PSMD1: variants seen among roughly 807,000 people sequenced by gnomAD.
PSMD1 encodes the protein proteasome 26S subunit, non-ATPase 1.
Under a neutral mutation model 119.0 loss-of-function variants are expected in PSMD1, and 18 were observed. The ratio of observed to expected loss-of-function variants is 0.15; its 90% CI spans 0.10 to 0.22. PSMD1 has a LOEUF of 0.22. Among genes scored for constraint, PSMD1 ranks in the 10% least tolerant of loss-of-function variants. The pLI is 1.00. For synonymous variants in PSMD1, 374 were observed against 396.6 expected (o/e 0.94, Z 0.68); for missense variants, 702 against 1,158.5 (o/e 0.61, Z 5.72).
At chr2:231,156,513 C>T (rs1696510449) in intron 19 of PSMD1, among the ~76,000 whole-genome samples, 1 of 152,016 alleles carries the variant, frequency 6.6e-6, no homozygotes, top group South Asian at 2.1e-4. Context: ...CCCTCCTTGC[C>T]CTCCCCACAA....
chr2:231,114,743 A>T (rs975372073), intron 16 of PSMD1, among the ~76,000 whole-genome samples: 1 of 152,216 alleles, frequency 6.6e-6, no homozygotes, highest in Admixed American at 6.5e-5. Context: ...TTAGGTGTGG[A>T]TGTGATATTG....
At chr2:231,114,014 G>T in intron 16 of PSMD1, 2 of 1,066,362 alleles carry the variant, frequency 1.9e-6, no homozygotes, top group Non-Finnish European at 2.8e-6. Context: ...TACATCTTTT[G>T]TCTTTTTTGT....
chr2:231,127,586 C>T (rs1286983676), intron 16 of PSMD1, among the ~76,000 whole-genome samples: 1 of 152,158 alleles, frequency 6.6e-6, no homozygotes, highest in African/African-American at 2.4e-5. Flanking sequence ...AACTCTTGAC[C>T]TCAAGTGATC....
intron 6 of PSMD1, 150 bp downstream of exon 6, chr2:231,070,318 T>C (rs1329594752): frequency 3.3e-6 from 2 of 606,758 alleles, no homozygotes; most frequent in African/African-American, 1.9e-5. Context: ...AAATAAGGTA[T>C]GTGCTTTATA....
intron 18 of PSMD1, 172 bp from the exon 19 acceptor site, chr2:231,153,392 C>T (rs556036891): frequency 5.3e-6 from 3 of 564,416 alleles, no homozygotes; most frequent in African/African-American, 1.9e-5. Flanking sequence ...TCATAACACC[C>T]GTGATTGCAA....
At chr2:231,131,026 T>C (rs1695841262) in intron 16 of PSMD1, among the ~76,000 whole-genome samples, 1 of 152,226 alleles carries the variant, frequency 6.6e-6, no homozygotes, top group Non-Finnish European at 1.5e-5. Flanking sequence ...AGGTTCTCTC[T>C]TCATCTCTTG....
At chr2:231,132,189 A>G (rs1695870828) in intron 16 of PSMD1, among the ~76,000 whole-genome samples, 2 of 152,228 alleles carry the variant, frequency 1.3e-5, no homozygotes, top group African/African-American at 2.4e-5. Flanking sequence ...CTTTTCTACT[A>G]AAGAAAAGAA....
intron 8 of PSMD1, among the ~76,000 whole-genome samples, chr2:231,075,977 A>G (rs1231415310): frequency 3.3e-5 from 5 of 152,224 alleles, no homozygotes; most frequent in African/African-American, 9.6e-5. Context: ...TATATTCTAT[A>G]CATGCTTTTA....
intron 13 of PSMD1, 63 bp downstream of exon 13, chr2:231,083,057 A>C (rs893601353): frequency 2.5e-6 from 3 of 1,217,722 alleles, no homozygotes; most frequent in Admixed American, 4.2e-5. Context: ...TAATTACATT[A>C]GTTTCTACCT....
Position 231,138,812 on chromosome 2 carries a change from A to G in PSMD1, c.1960A>G (p.Met654Val), listed in dbSNP as rs766516080. The change falls in exon 17 of 25, where the codon ATG (methionine) becomes GTG (valine). Residue 654 changes from methionine to valine, a missense_variant. Met to Val is a conservative substitution (Grantham distance 21, BLOSUM62 1). Coordinates refer to ENST00000308696, the MANE Select transcript of PSMD1 (RefSeq NM_002807.4). ...CCCTCATGTGCGCTACGGAGCTGCAATGGCCTTGGGGATATGCTGTGCTGG... is the reference window on the plus strand; with the variant it reads ...CCCTCATGTGCGCTACGGAGCTGCAGTGGCCTTGGGGATATGCTGTGCTGG... Reference protein sequence around the residue: ...YNPHVRYGAAMALGICCAGTG... With the variant: ...YNPHVRYGAAVALGICCAGTG... 3.1e-5 allele frequency: 50 copies of G among 1,613,990 alleles called. No homozygotes were observed. The highest frequency in any genetic ancestry group is 4.0e-5 in the Non-Finnish European group (47 of 1,180,028).
chr2:231,138,972 C>T, intron 17 of PSMD1, 122 bp downstream of exon 17: 1 of 785,064 alleles, frequency 1.3e-6, no homozygotes, highest in Non-Finnish European at 2.2e-6. Context: ...GTAAACTTGC[C>T]ATACAAAGCT....
intron 16 of PSMD1, among the ~76,000 whole-genome samples, chr2:231,134,251 T>G (rs190289937): frequency 6.6e-6 from 1 of 152,332 alleles, no homozygotes; most frequent in East Asian, 1.9e-4. Flanking sequence ...TTGGGATACA[T>G]TCCCTCATGT....
chr2:231,109,229 T>A, intron 16 of PSMD1: 2 of 1,614,164 alleles, frequency 1.2e-6, no homozygotes, highest in Non-Finnish European at 1.7e-6. Flanking sequence ...AGCCTTCTTC[T>A]GTAAAGCATG....
intron 17 of PSMD1, among the ~76,000 whole-genome samples, chr2:231,141,391 C>T (rs947394018): frequency 6.7e-6 from 1 of 148,540 alleles, no homozygotes; most frequent in Admixed American, 6.7e-5. Flanking sequence ...TCCAGTATTT[C>T]ATCCTATTCT....
chr2:231,152,966 A>C (rs890320307), intron 18 of PSMD1, among the ~76,000 whole-genome samples: 1 of 152,230 alleles, frequency 6.6e-6, no homozygotes, highest in Non-Finnish European at 1.5e-5. Flanking sequence ...AAGGATAAAG[A>C]ATTACCAGTA....
chr2:231,113,870 A>G (rs1291975033), intron 16 of PSMD1: 2 of 1,614,196 alleles, frequency 1.2e-6, no homozygotes, highest in Non-Finnish European at 1.7e-6. Context: ...GCGGTTGAAA[A>G]GAGAACGTCA....
At chr2:231,162,837 A>AAAAG (rs759781122) in intron 20 of PSMD1, among the ~76,000 whole-genome samples, 15 of 151,108 alleles carry the variant, frequency 9.9e-5, no homozygotes, top group Non-Finnish European at 1.3e-4. Context: ...AAAAAAAAAA[A>AAAAG]AAAGAAAGAA....
chr2:231,168,648 G>T (rs947797762), intron 23 of PSMD1, among the ~76,000 whole-genome samples: 1 of 152,230 alleles, frequency 6.6e-6, no homozygotes, highest in African/African-American at 2.4e-5. Flanking sequence ...CAGGGGAAGG[G>T]GAGAATGGAG....
intron 16 of PSMD1, chr2:231,108,765 G>C (rs747241205): frequency 6.2e-7 from 1 of 1,613,934 alleles, no homozygotes. Flanking sequence ...TTTGTGGCCC[G>C]GTAATTGCAG....
Sources: gnomAD v4.1 joint callset for allele counts (sites outside exome capture counted in the v4.1 genomes callset) on GRCh38, gnomAD v4.1.1 for gene constraint, MANE v1.5 for transcripts, NCBI Gene and HGNC (gene_info 2026-07-23, HGNC 2026-07-21) for gene names.